DLGAP3: variants seen among roughly 807,000 people sequenced by gnomAD.
DLGAP3 encodes the protein disks large-associated protein 3.
In DLGAP3, 17 loss-of-function variants were observed where a neutral mutation model predicts 81.2. That is an observed-to-expected ratio of 0.21 (90% CI 0.14 to 0.31). The LOEUF is 0.31. Among genes scored for constraint, DLGAP3 ranks in the 10% least tolerant of loss-of-function variants. The pLI, the probability that DLGAP3 is intolerant of heterozygous loss-of-function variation, is 1.00. For synonymous variants in DLGAP3, 577 were observed against 587.4 expected (o/e 0.98, Z 0.26); for missense variants, 1,124 against 1,388.0 (o/e 0.81, Z 3.02).
chr1:34,921,492 T>C (rs921424290), intron 1 of DLGAP3, among the ~76,000 whole-genome samples: 3 of 152,158 alleles, frequency 2.0e-5, no homozygotes, highest in Admixed American at 6.5e-5. Context: ...AGGTCCCCAC[T>C]CCCTCCAATG....
At chr1:34,921,432 C>A (rs1048106687) in intron 1 of DLGAP3, among the ~76,000 whole-genome samples, 1 of 152,198 alleles carries the variant, frequency 6.6e-6, no homozygotes, top group Non-Finnish European at 1.5e-5. Context: ...TCTATGGATC[C>A]TTTACCAAAC....
Position 34,880,731 on chromosome 1 carries a change from A to G in DLGAP3, c.2000+4247T>C, listed in dbSNP as rs1281656911. On this transcript the variant is annotated intron_variant, in intron 8 of 11. Coordinates refer to ENST00000373347, the MANE Select transcript of DLGAP3 (RefSeq NM_001080418.3). Reference sequence around the variant, plus strand: ...AATGCAAAGGGAGATATCAATATAGAGATGCAATAAATATTGATAACATTT... The same window carrying G: ...AATGCAAAGGGAGATATCAATATAGGGATGCAATAAATATTGATAACATTT... 2.0e-5 allele frequency among the ~76,000 whole-genome samples: 3 copies of G among 152,188 alleles called. No homozygotes were observed. In the East Asian group the frequency reaches 5.8e-4, roughly 29 times the overall value.
chr1:34,878,802 G>A (rs1639099146), intron 8 of DLGAP3, among the ~76,000 whole-genome samples: 1 of 152,226 alleles, frequency 6.6e-6, no homozygotes, highest in Admixed American at 6.5e-5. Flanking sequence ...TGGGCGCAGT[G>A]GCTCACGCCT....
rs1422242765 is a variant in DLGAP3, at chr1:34,929,190, C to T, written c.-135+261G>A. 6.6e-6 allele frequency among the ~76,000 whole-genome samples: 1 copy of T among 151,798 alleles called. No homozygotes were observed. The highest frequency in any genetic ancestry group is 1.5e-5 in the Non-Finnish European group (1 of 67,798). ...AGGGCTGGGCCGGGGCTGGCCTGTC[C>T]CCGCGGCCCTGACCGGGAGCGTGGG... On this transcript the variant is annotated intron_variant, in intron 1 of 11. Transcript: ENST00000373347. The surrounding 1 kb of genome is among the most constrained non-coding windows in gnomAD (Gnocchi z 6.5).
intron 5 of DLGAP3, among the ~76,000 whole-genome samples, chr1:34,896,958 C>T (rs535793288): frequency 1.3e-5 from 2 of 152,156 alleles, no homozygotes; most frequent in African/African-American, 4.8e-5. Flanking sequence ...AATCTGTAAT[C>T]ACAATAAATA....
At chr1:34,879,735 CAA>C (rs1452620877) in intron 8 of DLGAP3, among the ~76,000 whole-genome samples, 1 of 151,274 alleles carries the variant, frequency 6.6e-6, no homozygotes, top group Non-Finnish European at 1.5e-5. Flanking sequence ...GAAATTACGA[CAA>C]AAGTGATGAA....
rs1639816859 is a variant in DLGAP3, at chr1:34,922,927, C to T, written c.-135+6524G>A. ...TACCCACTCCTGGACACATCCCATTCCCACCCACTCTCAGTGGGAAAAAAT... is the reference window on the plus strand; with the variant it reads ...TACCCACTCCTGGACACATCCCATTTCCACCCACTCTCAGTGGGAAAAAAT... On this transcript the variant is annotated intron_variant, in intron 1 of 11. Transcript: ENST00000373347. Among the ~76,000 whole-genome samples the T allele has an allele frequency of 2.0e-5, 3 of 152,226 alleles. No individual in the cohort carries two copies. In the South Asian group the frequency reaches 6.2e-4, roughly 32 times the overall value.
chr1:34,899,682 A>T lies in DLGAP3; in HGVS notation c.1373T>A (p.Leu458His). The T allele has an allele frequency of 6.2e-7, 1 of 1,613,704 alleles. No homozygotes were observed. The highest frequency in any genetic ancestry group is 8.5e-7 in the Non-Finnish European group (1 of 1,179,864). ...RSSIPGYSRS[L>H]TTGQLSDELN... The stretch of plus-strand genomic sequence containing the variant: ...GCCTCTCCCTACCTGTCCAGTGGTG[A>T]GGGAACGGCTGTAGCCAGGGATGGA... Residue 458 changes from leucine (L) to histidine (H), a missense_variant, in exon 5 of 12, where the codon CTC becomes CAC. This residue lies in a region of DLGAP3 where 357 missense variants were observed against 408.8 expected (regional missense o/e 0.87). Transcript: ENST00000373347.
intron 1 of DLGAP3, among the ~76,000 whole-genome samples, chr1:34,917,057 G>T (rs965808555): frequency 6.6e-6 from 1 of 151,970 alleles, no homozygotes; most frequent in African/African-American, 2.4e-5. Flanking sequence ...AGGCCAATAG[G>T]TGGACCCCAG....
intron 11 of DLGAP3, among the ~76,000 whole-genome samples, chr1:34,866,589 A>AGGAG (rs1282333151): frequency 6.6e-6 from 1 of 152,182 alleles, no homozygotes; most frequent in Non-Finnish European, 1.5e-5. Context: ...CCCGACCCGA[A>AGGAG]GGAGGGAGTT....
Position 34,895,096 on chromosome 1 carries a change from A to G in DLGAP3, c.1386+4573T>C, listed in dbSNP as rs866276447. Among the ~76,000 whole-genome samples, 5 of 152,312 alleles carry G rather than the reference A, an allele frequency of 3.3e-5. No homozygotes were observed. The highest frequency in any genetic ancestry group is 1.3e-4 in the Admixed American group (2 of 15,300). ...ATTAAAAGTAAAATAGGCCAGGAGC[A>G]TTGGCTCATGCCTGTAATCCCAGAA... On this transcript the variant is annotated intron_variant, in intron 5 of 11. Coordinates refer to ENST00000373347, the MANE Select transcript of DLGAP3 (RefSeq NM_001080418.3). The surrounding 1 kb of genome is among the most constrained non-coding windows in gnomAD (Gnocchi z 4.5).
intron 8 of DLGAP3, among the ~76,000 whole-genome samples, chr1:34,881,240 C>A (rs1639138697): frequency 6.6e-6 from 1 of 151,918 alleles, no homozygotes; most frequent in South Asian, 2.1e-4. Flanking sequence ...TAACAAAAAC[C>A]CCTAGAGCTC....
Position 34,900,901 on chromosome 1 carries a change from T to G in DLGAP3, c.1108-628A>C, listed in dbSNP as rs1639449021. The stretch of plus-strand genomic sequence containing the variant: ...GACAATGAGGGGGAAGAGGAGGAGA[T>G]GGAAATGAGAGGTGTTAAGGAGCAT... On this transcript the variant is annotated intron_variant, in intron 3 of 11. Coordinates refer to ENST00000373347, the MANE Select transcript of DLGAP3 (RefSeq NM_001080418.3). This position sits in a 1 kb window ranked among gnomAD's most constrained non-coding sequence, Gnocchi z 5.6. Among the ~76,000 whole-genome samples, 2 of 147,216 alleles carry G rather than the reference T, an allele frequency of 1.4e-5. No individual in the cohort carries two copies.
rs1639773369 is a variant in DLGAP3, at chr1:34,919,996, G to C, written c.-135+9455C>G. Among the ~76,000 whole-genome samples the C allele has an allele frequency of 1.3e-5, 2 of 152,134 alleles. 1 individual carries two copies. The highest frequency in any genetic ancestry group is 4.1e-4 in the South Asian group (2 of 4,822). Reference sequence around the variant, plus strand: ...GGGTAGAGGACCAGAAGTGGAGCAGGAGAAGAAGGGAAGAGGTTGGGGCCA... The same window carrying C: ...GGGTAGAGGACCAGAAGTGGAGCAGCAGAAGAAGGGAAGAGGTTGGGGCCA... On this transcript the variant is annotated intron_variant, in intron 1 of 11. Coordinates refer to ENST00000373347, the MANE Select transcript of DLGAP3 (RefSeq NM_001080418.3).
At chr1:34,882,285 T>C (rs920349061) in intron 8 of DLGAP3, among the ~76,000 whole-genome samples, 1 of 152,196 alleles carries the variant, frequency 6.6e-6, no homozygotes. Flanking sequence ...GAGACCAGCC[T>C]GGCTAACATG....
intron 1 of DLGAP3, among the ~76,000 whole-genome samples, chr1:34,922,339 G>A (rs1193879356): frequency 6.6e-6 from 1 of 152,234 alleles, no homozygotes; most frequent in African/African-American, 2.4e-5. Flanking sequence ...CTGTTGGGAA[G>A]ACACTTTTGG....
Position 34,904,558 on chromosome 1 carries a change from C to A in DLGAP3, c.826G>T (p.Gly276Cys), listed in dbSNP as rs200438997. The A allele has an allele frequency of 6.2e-7, 1 of 1,614,140 alleles. No homozygotes were observed. Among genetic ancestry groups the A allele is most frequent in the Admixed American group, 1.7e-5 (1 of 60,032 alleles). The change falls in exon 3 of 12, where the codon GGT becomes TGT. Residue 276 changes from glycine to cysteine, a missense_variant. Gly to Cys is a radical substitution (Grantham distance 159, BLOSUM62 -3). Transcript: ENST00000373347. This position sits in a 1 kb window ranked among gnomAD's most constrained non-coding sequence, Gnocchi z 8.1. ...NLDSDSGFLAGGRPPGEPGGP... is the reference protein window; with the variant it reads ...NLDSDSGFLACGRPPGEPGGP... ...CCAGGCTCCCCAGGGGGCCTCCCAC[C>A]CGCCAGGAAGCCGCTATCACTGTCC... is the stretch of plus-strand genomic sequence containing the variant.
chr1:34,903,905 G>A (rs1197058698), intron 3 of DLGAP3, among the ~76,000 whole-genome samples: 3 of 152,184 alleles, frequency 2.0e-5, no homozygotes, highest in Non-Finnish European at 2.9e-5. Context: ...TCCAACTGCC[G>A]ACCTTCAATC....
intron 8 of DLGAP3, among the ~76,000 whole-genome samples, chr1:34,879,927 C>A (rs897311696): frequency 6.6e-6 from 1 of 151,986 alleles, no homozygotes; most frequent in South Asian, 2.1e-4. Context: ...ACAAACACAG[C>A]AGACAAAAGA....
Sources: allele counts gnomAD v4.1 joint callset (sites outside exome capture counted in the v4.1 genomes callset), GRCh38; gene constraint gnomAD v4.1.1; regional missense constraint gnomAD v4.1.1; non-coding constraint Gnocchi (gnomAD v3.1); transcripts MANE v1.5; gene names NCBI Gene and HGNC (gene_info 2026-07-23, HGNC 2026-07-21).